The following HEPHL1 variants were observed in gnomAD, a reference collection of about 807,000 sequenced individuals.
The protein encoded by HEPHL1 is ferroxidase HEPHL1.
In HEPHL1, 123 loss-of-function variants were observed where a neutral mutation model predicts 122.0. That is an observed-to-expected ratio of 1.01 (90% confidence interval 0.87 to 1.17). The LOEUF (loss-of-function observed/expected upper bound fraction) is 1.17, where lower values mean the gene tolerates loss of function less well. Ranked by LOEUF, HEPHL1 falls within the 50% of genes most tolerant of loss-of-function variation. HEPHL1 has a pLI of 0.00. For synonymous variants in HEPHL1, 527 were observed against 508.9 expected, an observed-to-expected ratio of 1.04 and a Z score of -0.48; for missense variants, 1,452 against 1,430.5, an observed-to-expected ratio of 1.01 and a Z score of -0.24.
intron 1 of HEPHL1, among the ~76,000 whole-genome samples, chr11:94,025,008 G>A (rs1945612424): frequency 1.3e-5 from 2 of 152,042 alleles, no homozygotes; most frequent in African/African-American, 4.8e-5. Flanking sequence ...AAGATGGTGG[G>A]TGCCAAAGTT....
chr11:94,075,090 G>A (rs1295319543), intron 8 of HEPHL1, 84 bp from the exon 9 acceptor site: 1 of 1,152,946 alleles, frequency 8.7e-7, no homozygotes, highest in South Asian at 1.4e-5. Context: ...ATCAGAGGGA[G>A]GCACCCAGGG....
intron 1 of HEPHL1, among the ~76,000 whole-genome samples, chr11:94,024,613 T>C (rs563426397): frequency 6.6e-6 from 1 of 152,246 alleles, no homozygotes; most frequent in Non-Finnish European, 1.5e-5. Context: ...TTATCTCCAA[T>C]TCCTCACTTC....
chr11:94,061,082 C>T (rs997351289), intron 2 of HEPHL1, among the ~76,000 whole-genome samples: 2 of 152,072 alleles, frequency 1.3e-5, no homozygotes, highest in Non-Finnish European at 2.9e-5. Flanking sequence ...AAAAATGCTT[C>T]CTTTGTTTCT....
intron 9 of HEPHL1, among the ~76,000 whole-genome samples, chr11:94,081,438 T>C (rs1946169647): frequency 6.6e-6 from 1 of 152,164 alleles, no homozygotes; most frequent in South Asian, 2.1e-4. Flanking sequence ...TGCACCTGTA[T>C]CCCAAAATTT....
chr11:94,090,262 G>C (rs1223210606), intron 12 of HEPHL1, among the ~76,000 whole-genome samples: 3 of 152,108 alleles, frequency 2.0e-5, no homozygotes, highest in Non-Finnish European at 4.4e-5. Flanking sequence ...AAAATGAAAT[G>C]AATTCCAATC....
Position 94,088,789 on chromosome 11 carries a change from C to T in HEPHL1, c.2115C>T (p.His705=). ...IFRVFCATMP[H]LSRGMGQIYE... The stretch of plus-strand genomic sequence containing the variant: ...GGGTGTTTTGTGCCACCATGCCCCA[C>T]CTCTCGAGAGGCATGGGTCAGATCT... Residue 705 remains histidine, a synonymous_variant, in exon 12 of 20, where the codon CAC becomes CAT. Transcript: ENST00000315765. 1 of 1,613,944 alleles carries T rather than the reference C, an allele frequency of 6.2e-7. No homozygotes were observed. The highest frequency in any genetic ancestry group is 8.5e-7 in the Non-Finnish European group (1 of 1,179,860).
At chr11:94,101,136 A>T in intron 13 of HEPHL1, 59 bp from the exon 14 acceptor site, 1 of 1,570,952 alleles carries the variant, frequency 6.4e-7, no homozygotes, top group Non-Finnish European at 8.7e-7. Context: ...CCTATATTTA[A>T]ATTACACTAA....
At chr11:94,077,308 C>T (rs910199377) in intron 9 of HEPHL1, among the ~76,000 whole-genome samples, 28 of 152,036 alleles carry the variant, frequency 1.8e-4, no homozygotes, top group African/African-American at 6.3e-4. Context: ...TTTCCTGGTC[C>T]TGGGTCTGAT....
intron 17 of HEPHL1, among the ~76,000 whole-genome samples, chr11:94,106,752 C>T (rs933583554): frequency 1.6e-4 from 24 of 152,152 alleles, no homozygotes; most frequent in African/African-American, 5.8e-4. Flanking sequence ...TGACAGCATT[C>T]GTCCCTTTTC....
chr11:94,079,961 G>A (rs1946156435), intron 9 of HEPHL1, among the ~76,000 whole-genome samples: 3 of 152,002 alleles, frequency 2.0e-5, no homozygotes, highest in Admixed American at 2.0e-4. Flanking sequence ...AATTCATATG[G>A]AACCAAAAAG....
intron 2 of HEPHL1, among the ~76,000 whole-genome samples, chr11:94,061,770 T>C (rs542099257): frequency 1.3e-3 from 191 of 152,322 alleles, no homozygotes; most frequent in Non-Finnish European, 2.5e-3. Flanking sequence ...TGTTTTTGCA[T>C]CTTTTGGAAA....
In HEPHL1 at chr11:94,081,430, C is replaced by T. The variant is rs1022180363; in HGVS notation, c.1717-988C>T. Among the ~76,000 whole-genome samples the T allele has an allele frequency of 1.2e-4, 19 of 152,200 alleles. 1 individual carries two copies. The highest frequency in any genetic ancestry group is 7.3e-5 in the Non-Finnish European group (5 of 68,032). On this transcript the variant is annotated intron_variant, in intron 9 of 19. Transcript: ENST00000315765. ...CTATGTAACAAATCTGCGCAGACTG[C>T]ACCTGTATCCCAAAATTTTAAATTA...
At chr11:94,053,123 A>G (rs1387456655) in intron 2 of HEPHL1, among the ~76,000 whole-genome samples, 1 of 152,014 alleles carries the variant, frequency 6.6e-6, no homozygotes, top group Non-Finnish European at 1.5e-5. Context: ...GAGGATCTTT[A>G]GTTACTAATT....
chr11:94,102,934 T>A lies in HEPHL1; in HGVS notation c.2596T>A (p.Trp866Arg). The change falls in exon 15 of 20, where the codon TGG becomes AGG. Residue 866 changes from tryptophan to arginine, a missense_variant. By Grantham distance (101) the Trp-to-Arg change is moderately radical (BLOSUM62 -3). Coordinates refer to ENST00000315765, the MANE Select transcript of HEPHL1 (RefSeq NM_001098672.2). ...TKPGEVKTYR[W>R]NIPKRSGPGP... ...TACAGGAGAAGTAAAAACTTATAGA[T>A]GGAATATCCCTAAAAGATCCGGTCC... 16 of 1,592,024 alleles carry A rather than the reference T, an allele frequency of 1.0e-5. No homozygotes were observed. Among genetic ancestry groups the A allele is most frequent in the Non-Finnish European group, 1.4e-5 (16 of 1,160,354 alleles).
chr11:94,097,014 C>T (rs563373747), intron 13 of HEPHL1, among the ~76,000 whole-genome samples: 3 of 152,082 alleles, frequency 2.0e-5, no homozygotes, highest in Non-Finnish European at 4.4e-5. Flanking sequence ...GTGTCTCTCT[C>T]TCCTTCAGTT....
intron 2 of HEPHL1, among the ~76,000 whole-genome samples, chr11:94,049,332 A>G (rs1056767838): frequency 2.0e-5 from 3 of 151,928 alleles, no homozygotes; most frequent in Admixed American, 6.6e-5. Context: ...TCCAAACCCA[A>G]AAAACAAAAA....
intron 12 of HEPHL1, 24 bp downstream of exon 12, chr11:94,088,992 G>T: frequency 6.2e-7 from 1 of 1,606,170 alleles, no homozygotes. Flanking sequence ...CGCCGCTAGG[G>T]CTCCTCGGTG....
intron 13 of HEPHL1, 94 bp from the exon 14 acceptor site, chr11:94,101,101 A>ATTTTATTTTATTTTATTTG (rs2134451640): frequency 1.4e-6 from 2 of 1,418,554 alleles, no homozygotes; most frequent in East Asian, 4.6e-5. Flanking sequence ...ACTAAAGCCA[A>ATTTTATTTTATTTTATTTG]ACTATTTTAT....
chr11:94,064,385 T>C lies in HEPHL1; in HGVS notation c.683T>C (p.Ile228Thr), dbSNP rs758941658. Residue 228 changes from isoleucine (I) to threonine (T), a missense_variant, in exon 4 of 20, where the codon ATA (isoleucine) becomes ACA (threonine). Coordinates refer to ENST00000315765, the MANE Select transcript of HEPHL1 (RefSeq NM_001098672.2). The stretch of plus-strand genomic sequence containing the variant: ...AATGATGTGGATCGAGAGTTTGTTA[T>C]AATGTTTACTCTTGTGGATGAGAAT... ...TRNDVDREFV[I>T]MFTLVDENQS... The C allele has an allele frequency of 5.6e-6, 9 of 1,613,296 alleles. No individual in the cohort carries two copies. Among genetic ancestry groups the C allele is most frequent in the Non-Finnish European group, 7.6e-6 (9 of 1,179,386 alleles).
Sources: allele counts gnomAD v4.1 joint callset (sites outside exome capture counted in the v4.1 genomes callset), GRCh38; gene constraint gnomAD v4.1.1; transcripts MANE v1.5; gene names NCBI Gene and HGNC (gene_info 2026-07-23, HGNC 2026-07-21).